GRID1: variants seen among roughly 807,000 people sequenced by gnomAD.
GRID1 encodes the protein glutamate ionotropic receptor delta type subunit 1, also known as glutamate receptor ionotropic, delta-1.
In GRID1, 28 loss-of-function variants were observed where a neutral mutation model predicts 98.0. That is an observed-to-expected ratio of 0.29 (90% CI 0.21 to 0.39). The LOEUF is 0.39. Ranked by LOEUF, GRID1 falls within the 10% of genes least tolerant of loss-of-function variation. The pLI, the probability that GRID1 is intolerant of heterozygous loss-of-function variation, is 1.00. For missense variants in GRID1, 1,111 were observed against 1,340.5 expected (o/e 0.83, Z 2.67); for synonymous variants, 553 against 538.5 (o/e 1.03, Z -0.37).
chr10:85,879,166 A>C (rs1424652123), intron 5 of GRID1, among the ~76,000 whole-genome samples: 1 of 152,162 alleles, frequency 6.6e-6, no homozygotes, highest in Admixed American at 6.5e-5. Context: ...CCACACAATA[A>C]TAATGGGAGA....
rs367915080 is a variant in GRID1 at position 85,599,919 on chromosome 10, T to TCACACA, written c.*2348_*2353dup. On this transcript the variant is annotated 3_prime_UTR_variant, in exon 16 of 16. Coordinates refer to ENST00000327946, the MANE Select transcript of GRID1 (RefSeq NM_017551.3). ...GTCTCTCTCTCTCTCTCTCTCTCTCTCACACACACACACACACACAAACAC... is the reference window on the plus strand; with the variant it reads ...GTCTCTCTCTCTCTCTCTCTCTCTCTCACACACACACACACACACACACACAAACAC... 15,447 of 130,608 alleles carry TCACACA rather than the reference T, an allele frequency of 0.12. 1,001 individuals are homozygous for TCACACA. The highest frequency in any genetic ancestry group is 0.22 in the Middle Eastern group (55 of 252). The allele number at this position is 130,608 out of a possible 1,614,324, so 8.1% of individuals were successfully genotyped here.
At chr10:85,974,929 C>A (rs1174207557) in intron 4 of GRID1, among the ~76,000 whole-genome samples, 4 of 152,206 alleles carry the variant, frequency 2.6e-5, no homozygotes, top group African/African-American at 9.6e-5. Context: ...TGGCCTAAAG[C>A]CTTCCTTTGA....
At chr10:85,899,637 A>G (rs1841350586) in intron 5 of GRID1, among the ~76,000 whole-genome samples, 1 of 152,198 alleles carries the variant, frequency 6.6e-6, no homozygotes, top group African/African-American at 2.4e-5. Context: ...GGCCTGGCAC[A>G]CAGTAGGCAC....
At chr10:85,988,350 A>C (rs1842637863) in intron 4 of GRID1, among the ~76,000 whole-genome samples, 1 of 152,234 alleles carries the variant, frequency 6.6e-6, no homozygotes, top group Non-Finnish European at 1.5e-5. Context: ...TGAATGTTGC[A>C]TGAATGAAAT....
At chr10:85,729,279 T>G (rs1841796735) in intron 9 of GRID1, among the ~76,000 whole-genome samples, 1 of 152,168 alleles carries the variant, frequency 6.6e-6, no homozygotes, top group Admixed American at 6.5e-5. Context: ...GAGAAGTCCT[T>G]TTCTAGAGCA....
intron 12 of GRID1, among the ~76,000 whole-genome samples, chr10:85,706,411 T>G (rs949825026): frequency 3.2e-4 from 49 of 152,310 alleles, no homozygotes; most frequent in African/African-American, 9.4e-4. Flanking sequence ...ACAAGGGATG[T>G]GAAGGACCTC....
At chr10:86,045,824 A>G (rs969523823) in intron 4 of GRID1, among the ~76,000 whole-genome samples, 1 of 152,230 alleles carries the variant, frequency 6.6e-6, no homozygotes, top group African/African-American at 2.4e-5. Flanking sequence ...TAAGGTTCAC[A>G]TTGGGAAAGG....
At chr10:85,625,583 A>G (rs1460556832) in intron 13 of GRID1, among the ~76,000 whole-genome samples, 1 of 152,220 alleles carries the variant, frequency 6.6e-6, no homozygotes, top group African/African-American at 2.4e-5. Flanking sequence ...TGCCAGGACA[A>G]CAGCAGCTAG....
intron 8 of GRID1, among the ~76,000 whole-genome samples, chr10:85,812,001 A>G (rs1035497480): frequency 3.3e-5 from 5 of 152,224 alleles, no homozygotes; most frequent in African/African-American, 1.2e-4. Flanking sequence ...GACCAACAGT[A>G]GGTTTCTCAG....
intron 4 of GRID1, among the ~76,000 whole-genome samples, chr10:86,027,840 T>A (rs1843135179): frequency 6.6e-6 from 1 of 152,230 alleles, no homozygotes; most frequent in Admixed American, 6.5e-5. Flanking sequence ...ACAACAGTCA[T>A]TACAGAAACT....
At chr10:85,830,208 G>A (rs1842855638) in intron 8 of GRID1, among the ~76,000 whole-genome samples, 2 of 151,962 alleles carry the variant, frequency 1.3e-5, no homozygotes, top group African/African-American at 4.8e-5. Flanking sequence ...AGCAATGGGG[G>A]AGGGCCTTCC....
intron 4 of GRID1, among the ~76,000 whole-genome samples, chr10:86,123,241 A>G (rs77006585): frequency 0.011 from 1,724 of 152,312 alleles, 16 homozygotes; most frequent in African/African-American, 0.025. Flanking sequence ...AGGCAAAGCT[A>G]CAATCCAAAC....
intron 4 of GRID1, among the ~76,000 whole-genome samples, chr10:85,938,054 A>G (rs1841949309): frequency 6.6e-6 from 1 of 152,202 alleles, no homozygotes; most frequent in Non-Finnish European, 1.5e-5. Context: ...CAATTTGACA[A>G]GCCTTTGAGC....
intron 4 of GRID1, among the ~76,000 whole-genome samples, chr10:86,054,923 C>T (rs573147523): frequency 1.3e-5 from 2 of 152,320 alleles, no homozygotes; most frequent in African/African-American, 2.4e-5. Flanking sequence ...GCGGAAGTGA[C>T]GTGCCACTTC....
chr10:85,961,252 G>A lies in GRID1; in HGVS notation c.727-45013C>T, dbSNP rs182077238. 3.9e-5 allele frequency among the ~76,000 whole-genome samples: 6 copies of A among 152,268 alleles called. No homozygotes were observed. The East Asian group carries it at 1.2e-3, about 30-fold the overall frequency. ...AGCCTCAATTATCATGCGGCACTGG[G>A]TTCTCCTCTGAGCCTGCCCCTGCCT... On this transcript the variant is annotated intron_variant, in intron 4 of 15. Transcript: ENST00000327946.
chr10:86,227,173 CTG>C (rs1846364792), intron 2 of GRID1, among the ~76,000 whole-genome samples: 1 of 152,188 alleles, frequency 6.6e-6, no homozygotes, highest in Non-Finnish European at 1.5e-5. Flanking sequence ...AGAGGAGGGA[CTG>C]AGCCTGGGGA....
intron 2 of GRID1, among the ~76,000 whole-genome samples, chr10:86,230,145 C>T (rs57480186): frequency 0.28 from 42,242 of 152,154 alleles, 6,766 homozygotes; most frequent in Non-Finnish European, 0.38. Context: ...CAGCCCACCA[C>T]GAGCCCAACT....
chr10:85,704,769 C>T (rs1286184664), intron 12 of GRID1, among the ~76,000 whole-genome samples: 2 of 152,228 alleles, frequency 1.3e-5, no homozygotes, highest in Non-Finnish European at 2.9e-5. Flanking sequence ...AACAAACTAT[C>T]TTTCAGACCA....
chr10:86,007,307 C>G (rs1325956317), intron 4 of GRID1, among the ~76,000 whole-genome samples: 3 of 152,234 alleles, frequency 2.0e-5, no homozygotes, highest in East Asian at 3.8e-4. Flanking sequence ...TCCCACCCCC[C>G]ACTGACACTG....
Sources: allele counts gnomAD v4.1 joint callset (sites outside exome capture counted in the v4.1 genomes callset), GRCh38; gene constraint gnomAD v4.1.1; transcripts MANE v1.5; gene names NCBI Gene and HGNC (gene_info 2026-07-23, HGNC 2026-07-21).